PRR14L: variants seen among roughly 807,000 people sequenced by gnomAD.
PRR14L encodes the protein protein PRR14L.
PRR14L carries 80 observed loss-of-function variants against 155.0 expected under a neutral mutation model. That is an observed-to-expected ratio of 0.52 (90% CI 0.43 to 0.62). The LOEUF is 0.62. PRR14L is among the 20% of genes least tolerant of loss of function. The pLI, the probability that PRR14L is intolerant of heterozygous loss-of-function variation, is 0.00. For synonymous variants in PRR14L, 883 were observed against 916.0 expected (o/e 0.96, Z 0.65); for missense variants, 2,469 against 2,548.0 (o/e 0.97, Z 0.67).
chr22:31,692,631 T>C (rs2074517115), intron 7 of PRR14L, among the ~76,000 whole-genome samples: 1 of 152,222 alleles, frequency 6.6e-6, no homozygotes, highest in African/African-American at 2.4e-5. Flanking sequence ...ATACATTATC[T>C]TGTTTTTTGT....
intron 6 of PRR14L, among the ~76,000 whole-genome samples, chr22:31,702,215 C>T (rs202009256): frequency 2.0e-5 from 3 of 149,354 alleles, no homozygotes; most frequent in African/African-American, 5.1e-5. Flanking sequence ...TCTATTCCTG[C>T]TTTTTTTATT....
chr22:31,715,349 G>A lies in PRR14L; in HGVS notation c.2490C>T (p.His830=). 1 of 1,552,046 alleles carries A rather than the reference G, an allele frequency of 6.4e-7. No individual in the cohort carries two copies. Reference sequence around the variant, plus strand: ...CTGTTCCTTGGCAGCAGTGATCACGGTGCTGAAATGCATTTTCATATTTTG... The same window carrying A: ...CTGTTCCTTGGCAGCAGTGATCACGATGCTGAAATGCATTTTCATATTTTG... ...LITKYENAFQ[H]RDHCCQGTGH... is the part of the protein sequence containing the mutation. The change falls in exon 4 of 9, where the codon CAC becomes CAT. Residue 830 remains histidine, a synonymous_variant. Transcript: ENST00000327423.
chr22:31,745,004 T>G (rs992271698), intron 1 of PRR14L, among the ~76,000 whole-genome samples: 1 of 152,152 alleles, frequency 6.6e-6, no homozygotes, highest in Non-Finnish European at 1.5e-5. Context: ...CTCAAATTTC[T>G]GAACAGAATT....
chr22:31,715,823 C>T lies in PRR14L; in HGVS notation c.2016G>A (p.Leu672=). Residue 672 remains leucine (L), a synonymous_variant, in exon 4 of 9, where the codon CTG becomes CTA. Coordinates refer to ENST00000327423, the MANE Select transcript of PRR14L (RefSeq NM_173566.3). ...CTAAAGGCATCTCTTTGTTTAAATG[C>T]AGTAGAGAGTCAGTTGGCAAATTTG... ...EHANLPTDSL[L]HLNKEMPLAT... 1.3e-6 allele frequency: 2 copies of T among 1,551,648 alleles called. No individual in the cohort carries two copies. The highest frequency in any genetic ancestry group is 1.7e-6 in the Non-Finnish European group (2 of 1,146,934).
intron 3 of PRR14L, among the ~76,000 whole-genome samples, chr22:31,719,413 CAAAAAAAAGAAAA>C (rs1272890381): frequency 1.5e-5 from 2 of 137,604 alleles, no homozygotes; most frequent in Non-Finnish European, 3.1e-5. Flanking sequence ...GACCTTGTCT[CAAAAAAAAGAAAA>C]AAAAAAAAGA....
At chr22:31,694,943 T>A (rs2074528572) in intron 7 of PRR14L, among the ~76,000 whole-genome samples, 1 of 151,402 alleles carries the variant, frequency 6.6e-6, no homozygotes. Context: ...ATTAGCTGGG[T>A]GTGGCGGCAC....
In PRR14L at chr22:31,682,662, A is replaced by G. The variant is rs1013338661; in HGVS notation, c.*2865T>C. 2 of 152,154 alleles carry G rather than the reference A, an allele frequency of 1.3e-5. No individual in the cohort carries two copies. The highest frequency in any genetic ancestry group is 2.9e-5 in the Non-Finnish European group (2 of 68,022). 9.4% of individuals were successfully genotyped at this position (152,154 alleles called of 1,614,324 possible). A position where few individuals can be genotyped will look rare whatever the true frequency, so the allele number is the denominator to read the frequency against. On this transcript the variant is annotated 3_prime_UTR_variant, in exon 9 of 9. Coordinates refer to ENST00000327423, the MANE Select transcript of PRR14L (RefSeq NM_173566.3). ...AGCTGATGGGCAGAACCCTGATTAG[A>G]CCTGAGATTTCTCCTCTTTCCCATA...
At chr22:31,718,068 C>A (rs2074669838) in intron 3 of PRR14L, among the ~76,000 whole-genome samples, 1 of 151,454 alleles carries the variant, frequency 6.6e-6, no homozygotes, top group Admixed American at 6.6e-5. Context: ...GCTGGGATTA[C>A]AGGCACCCGC....
intron 2 of PRR14L, among the ~76,000 whole-genome samples, chr22:31,730,782 T>C (rs745977305): frequency 6.6e-6 from 1 of 152,228 alleles, no homozygotes; most frequent in Non-Finnish European, 1.5e-5. Flanking sequence ...CAGTGTTTTT[T>C]CTATTTCCAT....
chr22:31,709,683 GGT>G (rs1436917785), intron 4 of PRR14L, among the ~76,000 whole-genome samples: 2 of 151,760 alleles, frequency 1.3e-5, no homozygotes, highest in Non-Finnish European at 2.9e-5. Flanking sequence ...TGGGACTACA[GGT>G]GTGTGCCACC....
In PRR14L at chr22:31,712,435, C is replaced by T. The variant is rs2074628609; in HGVS notation, c.5404G>A (p.Asp1802Asn). 2 of 1,563,936 alleles carry T rather than the reference C, an allele frequency of 1.3e-6. No individual in the cohort carries two copies. The highest frequency in any genetic ancestry group is 2.3e-5 in the South Asian group (2 of 86,006). Reference protein sequence around the residue: ...APPQPPAPLQDYGGTAIVQTR... With the variant: ...APPQPPAPLQNYGGTAIVQTR... ...TGGACTATGGCAGTGCCTCCATAGTCTTGGAGAGGAGCTGGAGGCTGGGGA... is the reference window on the plus strand; with the variant it reads ...TGGACTATGGCAGTGCCTCCATAGTTTTGGAGAGGAGCTGGAGGCTGGGGA... Residue 1802 changes from aspartate (D) to asparagine (N), a missense_variant, in exon 4 of 9, where the codon GAC becomes AAC. This residue lies in a region of PRR14L where 2,363 missense variants were observed against 2,371.6 expected (regional missense o/e 1.00). Transcript: ENST00000327423.
In PRR14L at chr22:31,738,904, G is replaced by T; in HGVS notation, c.-44C>A. 7.8e-7 allele frequency: 1 copy of T among 1,285,624 alleles called. No homozygotes were observed. The highest frequency in any genetic ancestry group is 1.3e-5 in the South Asian group (1 of 74,078). The allele number at this position is 1,285,624 out of a possible 1,614,324, so 79.6% of individuals were successfully genotyped here. A position where few individuals can be genotyped will look rare whatever the true frequency, so the allele number is the denominator to read the frequency against. Reference sequence around the variant, plus strand: ...TGGAGTCAAGTCTTTTACATCAAATGATTCACCCTGACACAAATCACAGGA... The same window carrying T: ...TGGAGTCAAGTCTTTTACATCAAATTATTCACCCTGACACAAATCACAGGA... On this transcript the variant is annotated 5_prime_UTR_variant, in exon 2 of 9. Transcript: ENST00000327423.
intron 4 of PRR14L, among the ~76,000 whole-genome samples, chr22:31,711,776 C>CAAAAAAAAAAAAAAAAAAAA (rs757790329): frequency 6.2e-5 from 3 of 48,732 alleles, no homozygotes; most frequent in Admixed American, 2.7e-4. Context: ...AAGAGTTAAT[C>CAAAAAAAAAAAAAAAAAAAA]AAAAAAAAAA....
In PRR14L at chr22:31,722,438, G is replaced by C. The variant is rs961850703; in HGVS notation, c.547+3100C>G. Among the ~76,000 whole-genome samples, 3 of 147,040 alleles carry C rather than the reference G, an allele frequency of 2.0e-5. No homozygotes were observed. The East Asian group carries it at 5.9e-4, about 29-fold the overall frequency. On this transcript the variant is annotated intron_variant, in intron 3 of 8. Transcript: ENST00000327423. ...GAAAGAAAAAAAAAAAAAAAAGAAA[G>C]AAAACTTAAATCTGGGTGGGGCAGA...
intron 4 of PRR14L, among the ~76,000 whole-genome samples, chr22:31,707,942 G>C (rs1201620861): frequency 6.6e-6 from 1 of 152,084 alleles, no homozygotes; most frequent in East Asian, 2.0e-4. Context: ...CTGAGGTCAG[G>C]AGTTCAAGGC....
intron 4 of PRR14L, among the ~76,000 whole-genome samples, chr22:31,706,832 C>T (rs1461226811): frequency 6.6e-6 from 1 of 151,872 alleles, no homozygotes. Context: ...GGTGGATCAC[C>T]TGAGGTCAAG....
At chr22:31,708,189 T>C (rs1326183157) in intron 4 of PRR14L, among the ~76,000 whole-genome samples, 1 of 152,138 alleles carries the variant, frequency 6.6e-6, no homozygotes, top group African/African-American at 2.4e-5. Flanking sequence ...GTAGGACATG[T>C]ACTTGTAACA....
rs767324055 is a variant in PRR14L, at chr22:31,713,421, T to C, written c.4418A>G (p.His1473Arg). 7 of 1,551,792 alleles carry C rather than the reference T, an allele frequency of 4.5e-6. No homozygotes were observed. The African/African-American group carries it at 5.5e-5, about 12-fold the overall frequency. The change falls in exon 4 of 9, where the codon CAT becomes CGT. Residue 1473 changes from histidine (H) to arginine (R), a missense_variant. Coordinates refer to ENST00000327423, the MANE Select transcript of PRR14L (RefSeq NM_173566.3). ...CTCAGTGTCCTTCCTTAATGGATGA[T>C]GTAACCTTTCCTCCTTCTGGTCTTC... ...KLEDQKEERL[H>R]HPLRKDTESC...
intron 7 of PRR14L, among the ~76,000 whole-genome samples, chr22:31,693,149 CTA>C (rs1472141371): frequency 1.3e-5 from 2 of 151,830 alleles, no homozygotes; most frequent in Non-Finnish European, 2.9e-5. Flanking sequence ...TTGTTGTCTT[CTA>C]TGAGTTTTGA....
Sources: allele counts gnomAD v4.1 joint callset (sites outside exome capture counted in the v4.1 genomes callset), GRCh38; gene constraint gnomAD v4.1.1; regional missense constraint gnomAD v4.1.1; transcripts MANE v1.5; gene names NCBI Gene and HGNC (gene_info 2026-07-23, HGNC 2026-07-21).